Variants in PLCD4 observed in about 807,000 individuals in gnomAD.
The protein encoded by PLCD4 is phospholipase C delta 4, also known as 1-phosphatidylinositol 4,5-bisphosphate phosphodiesterase delta-4.
PLCD4 carries 63 observed loss-of-function variants against 90.2 expected under a neutral mutation model. The observed-to-expected ratio is 0.70, with a 90% CI of 0.57 to 0.86. The LOEUF (loss-of-function observed/expected upper bound fraction) is 0.86, where lower values mean the gene tolerates loss of function less well. PLCD4 is among the 40% of genes least tolerant of loss of function. PLCD4 has a pLI of 0.00. For synonymous variants in PLCD4, 294 were observed against 356.5 expected (o/e 0.82, Z 1.97); for missense variants, 830 against 956.3 (o/e 0.87, Z 1.74).
Position 218,621,573 on chromosome 2 carries a change from C to A in PLCD4, c.514C>A (p.Gln172Lys), listed in dbSNP as rs904039904. The change falls in exon 5 of 16, where the codon CAA becomes AAA. Residue 172 changes from glutamine to lysine, a missense_variant. By Grantham distance (53) the Gln-to-Lys change is moderately conservative. Transcript: ENST00000450993. ...GCACCTAATGAATGTGGAAATGGAC[C>A]AAGAATATGCCTTCAGTCTTTTTCA... ...LLHLMNVEMD[Q>K]EYAFSLFQAA... The A allele has an allele frequency of 3.1e-6, 5 of 1,613,762 alleles. No individual in the cohort carries two copies. In the Admixed American group the frequency reaches 6.7e-5, roughly 22 times the overall value.
intron 6 of PLCD4, among the ~76,000 whole-genome samples, chr2:218,625,767 C>T (rs1193748514): frequency 6.6e-6 from 1 of 152,096 alleles, no homozygotes; most frequent in African/African-American, 2.4e-5. Context: ...AACCCCTTCT[C>T]TACTAAAAAT....
At chr2:218,632,003 G>T in intron 9 of PLCD4, 133 bp from the exon 10 acceptor site, 2 of 873,794 alleles carry the variant, frequency 2.3e-6, no homozygotes, top group Non-Finnish European at 3.4e-6. Context: ...GTATCAAGCA[G>T]CTAATCTCTT....
chr2:218,616,958 AG>A (rs1272350278), intron 3 of PLCD4, among the ~76,000 whole-genome samples: 2 of 89,200 alleles, frequency 2.2e-5, no homozygotes, highest in African/African-American at 9.0e-5. Context: ...AGAGAGAGAG[AG>A]AGAGAGAGAG....
chr2:218,630,745 G>C lies in PLCD4; in HGVS notation c.1215G>C (p.Glu405Asp). 6.2e-7 allele frequency: 1 copy of C among 1,613,954 alleles called. No individual in the cohort carries two copies. The highest frequency in any genetic ancestry group is 1.3e-5 in the African/African-American group (1 of 75,054). The part of the protein sequence containing the change: ...MARHLTEILG[E>D]QLLSTTLDGV... ...GTCATCTGACTGAGATCCTGGGGGA[G>C]CAGCTGCTGAGCACCACCTTGGATG... Residue 405 changes from glutamate (E) to aspartate (D), a missense_variant, in exon 9 of 16, where the codon GAG (glutamate) becomes GAC (aspartate). Physicochemically the swap from Glu to Asp is conservative, Grantham distance 45. Transcript: ENST00000450993.
chr2:218,633,941 G>A (rs963375470), intron 11 of PLCD4, 164 bp from the exon 12 acceptor site: 9 of 1,208,948 alleles, frequency 7.4e-6, no homozygotes, highest in Non-Finnish European at 1.0e-5. Flanking sequence ...GGGTCTAGGG[G>A]CAGGAAAGCT....
chr2:218,617,024 G>A (rs576179937), intron 3 of PLCD4, among the ~76,000 whole-genome samples: 143 of 129,782 alleles, frequency 1.1e-3, no homozygotes, highest in African/African-American at 4.0e-3. Flanking sequence ...GAGTGCAGTG[G>A]CGTGATCTCA....
chr2:218,636,604 T>G lies in PLCD4; in HGVS notation c.*27T>G, dbSNP rs902277696. 6.2e-7 allele frequency: 1 copy of G among 1,604,636 alleles called. No individual in the cohort carries two copies. The highest frequency in any genetic ancestry group is 8.5e-7 in the Non-Finnish European group (1 of 1,172,160). On this transcript the variant is annotated 3_prime_UTR_variant, in exon 16 of 16. Transcript: ENST00000450993. ...GTGGGCATTTCACGGGAAGGGTTGG[T>G]GTGCTGGCTTTAGACGGGGAGAAAC...
At position 218,630,946 on chromosome 2, in the gene PLCD4, A is replaced by C. The variant is rs1049882676; in HGVS notation, c.1272+144A>C. 112 of 881,704 alleles carry C rather than the reference A, an allele frequency of 1.3e-4. 1 individual carries two copies. Among genetic ancestry groups the C allele is most frequent in the Middle Eastern group, 7.1e-4 (2 of 2,798 alleles). The allele number at this position is 881,704 out of a possible 1,614,324, so 54.6% of individuals were successfully genotyped here. On this transcript the variant is annotated intron_variant, in intron 9 of 15. Coordinates refer to ENST00000450993, the MANE Select transcript of PLCD4 (RefSeq NM_032726.4). ...CTCTTTAATGTCCTTGGATCCTTGG[A>C]GACAATTTTAACTTAAACAAAATCT... is the stretch of plus-strand genomic sequence containing the variant.
Position 218,634,184 on chromosome 2 carries a change from C to T in PLCD4, c.1686C>T (p.Tyr562=). The change falls in exon 12 of 16, where the codon TAC becomes TAT. Residue 562 remains tyrosine, a synonymous_variant. Transcript: ENST00000450993. This position sits in a 1 kb window ranked among gnomAD's most constrained non-coding sequence, Gnocchi z 4.0. ...PSGLRTDSSN[Y]NPQELWNAGC... ...GCCTGAGGACAGACTCTTCCAACTACAACCCCCAGGAACTCTGGAATGCAG... is the reference window on the plus strand; with the variant it reads ...GCCTGAGGACAGACTCTTCCAACTATAACCCCCAGGAACTCTGGAATGCAG... 1 of 1,612,014 alleles carries T rather than the reference C, an allele frequency of 6.2e-7. No homozygotes were observed. Among genetic ancestry groups the T allele is most frequent in the African/African-American group, 1.3e-5 (1 of 75,032 alleles).
chr2:218,620,925 G>T (rs1695845857), intron 4 of PLCD4, among the ~76,000 whole-genome samples: 1 of 142,556 alleles, frequency 7.0e-6, no homozygotes, highest in Non-Finnish European at 1.5e-5. Flanking sequence ...AAAAGCTAAA[G>T]GAATATGGAC....
At chr2:218,623,214 CTCTT>C (rs1695960476) in intron 6 of PLCD4, among the ~76,000 whole-genome samples, 2 of 152,178 alleles carry the variant, frequency 1.3e-5, no homozygotes, top group African/African-American at 4.8e-5. Context: ...ACCCTTGATC[CTCTT>C]TCTTTGGCCT....
intron 6 of PLCD4, 94 bp from the exon 7 acceptor site, chr2:218,627,935 C>A: frequency 8.4e-7 from 1 of 1,184,082 alleles, no homozygotes; most frequent in Non-Finnish European, 1.2e-6. Flanking sequence ...AAAGGCAGGG[C>A]TCTGGATGGA....
Position 218,632,212 on chromosome 2 carries a change from C to T in PLCD4, c.1349C>T (p.Ala450Val). The T allele has an allele frequency of 1.2e-6, 2 of 1,611,174 alleles. No individual in the cohort carries two copies. Among genetic ancestry groups the T allele is most frequent in the South Asian group, 1.1e-5 (1 of 90,106 alleles). ...GACCTGGAATATGAGGAAGAGGAAG[C>T]AGAACCTGAGTTGGAAGAGTCAGAA... ...EEDLEYEEEE[A>V]EPELEESELA... Residue 450 changes from alanine (A) to valine (V), a missense_variant, in exon 10 of 16, where the codon GCA becomes GTA. Coordinates refer to ENST00000450993, the MANE Select transcript of PLCD4 (RefSeq NM_032726.4).
At chr2:218,628,368 T>C in intron 7 of PLCD4, 138 bp downstream of exon 7, 1 of 775,604 alleles carries the variant, frequency 1.3e-6, no homozygotes, top group Non-Finnish European at 2.1e-6. Context: ...CAGAGACACT[T>C]GGAGGAGATA....
In PLCD4 at chr2:218,636,401, G is replaced by A. The variant is rs2106176134; in HGVS notation, c.2182+9G>A. ...GACCTGCATGCAACAAGGTGAGCCA[G>A]CCCCTTTGGCCCCTGGCCAATACCC... is the stretch of plus-strand genomic sequence containing the variant. On this transcript the variant is annotated intron_variant, in intron 15 of 15. Coordinates refer to ENST00000450993, the MANE Select transcript of PLCD4 (RefSeq NM_032726.4). 1 of 1,614,010 alleles carries A rather than the reference G, an allele frequency of 6.2e-7. No individual in the cohort carries two copies. Among genetic ancestry groups the A allele is most frequent in the East Asian group, 2.2e-5 (1 of 44,880 alleles).
At chr2:218,629,429 G>A (rs1696258619) in intron 7 of PLCD4, 90 bp from the exon 8 acceptor site, 4 of 1,474,904 alleles carry the variant, frequency 2.7e-6, no homozygotes, top group South Asian at 1.3e-5. Context: ...GTGCTGGTGA[G>A]CACTGTTCTC....
At chr2:218,631,492 C>G (rs1328792769) in intron 9 of PLCD4, among the ~76,000 whole-genome samples, 1 of 147,304 alleles carries the variant, frequency 6.8e-6, no homozygotes, top group Non-Finnish European at 1.5e-5. Flanking sequence ...TTTCTAAAGG[C>G]TTTCCCACGG....
At chr2:218,627,468 A>G (rs917495692) in intron 6 of PLCD4, among the ~76,000 whole-genome samples, 1 of 151,488 alleles carries the variant, frequency 6.6e-6, no homozygotes, top group African/African-American at 2.4e-5. Flanking sequence ...AAAAAAAAAG[A>G]CATTTATCTC....
At chr2:218,632,083 A>G in intron 9 of PLCD4, 53 bp from the exon 10 acceptor site, 7 of 1,508,936 alleles carry the variant, frequency 4.6e-6, no homozygotes, top group Non-Finnish European at 6.2e-6. Flanking sequence ...CATGATTCCC[A>G]GAAGGACCCA....
Sources: allele counts gnomAD v4.1 joint callset (sites outside exome capture counted in the v4.1 genomes callset), GRCh38; gene constraint gnomAD v4.1.1; non-coding constraint Gnocchi (gnomAD v3.1); transcripts MANE v1.5; gene names NCBI Gene and HGNC (gene_info 2026-07-23, HGNC 2026-07-21).